ASTN2: variants seen among roughly 807,000 people sequenced by gnomAD.
ASTN2 encodes the protein astrotactin 2.
ASTN2 carries 54 observed loss-of-function variants against 139.8 expected under a neutral mutation model. The observed-to-expected ratio is 0.39, with a 90% CI of 0.31 to 0.48. The LOEUF (loss-of-function observed/expected upper bound fraction) is 0.48. Among genes scored for constraint, ASTN2 ranks in the 20% least tolerant of loss-of-function variants. The pLI is 0.95. For missense variants in ASTN2, 1,565 were observed against 1,725.1 expected (o/e 0.91, Z 1.64); for synonymous variants, 756 against 719.5 (o/e 1.05, Z -0.81).
chr9:117,204,999 A>G (rs1831868170), intron 3 of ASTN2, among the ~76,000 whole-genome samples: 2 of 152,162 alleles, frequency 1.3e-5, no homozygotes, highest in African/African-American at 4.8e-5. Context: ...GGCACTGTCT[A>G]TGTGGGAGGC....
intron 1 of ASTN2, among the ~76,000 whole-genome samples, chr9:117,383,081 G>A (rs988505611): frequency 3.9e-5 from 6 of 152,168 alleles, no homozygotes; most frequent in East Asian, 1.9e-4. Flanking sequence ...ACAAATAAGC[G>A]TGGCTGTGTT....
rs371427957 is a variant in ASTN2 at position 116,815,434 on chromosome 9, C to T, written c.2207+5183G>A. ...CAAGCTTCTATCCCAATTTTACCTC[C>T]TAACTGGCCGTGAGTGCCCCCACCT... is the stretch of plus-strand genomic sequence containing the variant. On this transcript the variant is annotated intron_variant, in intron 12 of 22. Transcript: ENST00000313400. Among the ~76,000 whole-genome samples the T allele has an allele frequency of 6.6e-5, 10 of 152,188 alleles. No individual in the cohort carries two copies. The East Asian group carries it at 9.7e-4, about 15-fold the overall frequency.
intron 13 of ASTN2, among the ~76,000 whole-genome samples, chr9:116,801,891 G>C (rs1354024337): frequency 3.3e-5 from 5 of 151,982 alleles, no homozygotes; most frequent in African/African-American, 1.2e-4. Context: ...TCTGTTCACT[G>C]TACTCCCCTC....
intron 19 of ASTN2, among the ~76,000 whole-genome samples, chr9:116,572,091 A>C (rs575689732): frequency 6.6e-5 from 10 of 152,186 alleles, no homozygotes; most frequent in African/African-American, 1.9e-4. Flanking sequence ...TTGTAGGTAC[A>C]ACTGCATATT....
intron 10 of ASTN2, among the ~76,000 whole-genome samples, chr9:116,955,697 G>A (rs1319404428): frequency 1.3e-5 from 2 of 152,212 alleles, no homozygotes; most frequent in Non-Finnish European, 2.9e-5. Context: ...ATCTGACTGT[G>A]TGGTCGTAGC....
In ASTN2 at chr9:117,214,630, G is replaced by A; in HGVS notation, c.743C>T (p.Ala248Val). The A allele has an allele frequency of 6.3e-7, 1 of 1,583,258 alleles. No homozygotes were observed. The highest frequency in any genetic ancestry group is 8.6e-7 in the Non-Finnish European group (1 of 1,157,546). The change falls in exon 3 of 23, where the codon GCC (alanine) becomes GTC (valine). Residue 248 changes from alanine to valine, a missense_variant. By Grantham distance (64) the Ala-to-Val change is moderately conservative. Coordinates refer to ENST00000313400, the MANE Select transcript of ASTN2 (RefSeq NM_001365068.1). ...TGGGATGTAGTGGATCTCATGAGTG[G>A]CTTCTGTGCTTGCGCTCTTCTGGGG... ...RIPQKSASTEATHEIHYIPSV... is the reference protein window; with the variant it reads ...RIPQKSASTEVTHEIHYIPSV...
chr9:117,259,810 G>C (rs1010800241), intron 2 of ASTN2, among the ~76,000 whole-genome samples: 2 of 152,110 alleles, frequency 1.3e-5, no homozygotes, highest in Admixed American at 1.3e-4. Context: ...AACCCCTGAG[G>C]CTGTGTCACA....
At chr9:116,727,125 T>C (rs1035042923) in intron 15 of ASTN2, among the ~76,000 whole-genome samples, 2 of 151,860 alleles carry the variant, frequency 1.3e-5, no homozygotes, top group Non-Finnish European at 2.9e-5. Context: ...TCACCTCTTC[T>C]CCAAGAAGCC....
Position 117,023,586 on chromosome 9 carries a change from C to A in ASTN2, c.1424-15327G>T, listed in dbSNP as rs926058272. Reference sequence around the variant, plus strand: ...TGCTAATTTGCTTTGGTGTTCGTCTCCTGCTGAGAATGAAAGCATGCTGCA... The same window carrying A: ...TGCTAATTTGCTTTGGTGTTCGTCTACTGCTGAGAATGAAAGCATGCTGCA... On this transcript the variant is annotated intron_variant, in intron 6 of 22. Coordinates refer to ENST00000313400, the MANE Select transcript of ASTN2 (RefSeq NM_001365068.1). 3.9e-5 allele frequency among the ~76,000 whole-genome samples: 6 copies of A among 152,234 alleles called. 1 individual carries two copies.
intron 5 of ASTN2, among the ~76,000 whole-genome samples, chr9:117,083,695 A>G (rs1170082068): frequency 6.6e-6 from 1 of 152,200 alleles, no homozygotes; most frequent in Non-Finnish European, 1.5e-5. Flanking sequence ...TGCTGAGCCT[A>G]GTTGAAAAAC....
chr9:117,027,464 C>T (rs1023827791), intron 6 of ASTN2, among the ~76,000 whole-genome samples: 3 of 152,162 alleles, frequency 2.0e-5, no homozygotes, highest in Admixed American at 2.0e-4. Context: ...CCATGGAGCC[C>T]CAGCCTTGCT....
At chr9:116,613,925 G>A (rs890549338) in intron 19 of ASTN2, among the ~76,000 whole-genome samples, 24 of 152,140 alleles carry the variant, frequency 1.6e-4, no homozygotes, top group Non-Finnish European at 2.9e-4. Context: ...AGGAAAAGAG[G>A]AAGTCAAATT....
intron 2 of ASTN2, among the ~76,000 whole-genome samples, chr9:117,289,892 A>G (rs1392253727): frequency 1.3e-5 from 2 of 152,174 alleles, no homozygotes; most frequent in Non-Finnish European, 2.9e-5. Context: ...TCCAAAATTA[A>G]CATTGCTGTC....
chr9:117,323,667 T>A (rs1828412890), intron 1 of ASTN2, among the ~76,000 whole-genome samples: 1 of 152,164 alleles, frequency 6.6e-6, no homozygotes, highest in African/African-American at 2.4e-5. Context: ...GTATTATAAC[T>A]CAACAATGTT....
At chr9:116,989,845 A>T (rs1418020698) in intron 7 of ASTN2, among the ~76,000 whole-genome samples, 1 of 151,974 alleles carries the variant, frequency 6.6e-6, no homozygotes, top group Non-Finnish European at 1.5e-5. Flanking sequence ...CGGCCTCCCA[A>T]AGTGCTGGGA....
At chr9:117,003,792 C>T (rs1344792285) in intron 7 of ASTN2, among the ~76,000 whole-genome samples, 3 of 151,552 alleles carry the variant, frequency 2.0e-5, no homozygotes, top group Non-Finnish European at 2.9e-5. Flanking sequence ...AAGGGGACCC[C>T]TTCTGTTCCT....
chr9:117,244,919 T>G (rs1345891026), intron 2 of ASTN2, among the ~76,000 whole-genome samples: 1 of 152,166 alleles, frequency 6.6e-6, no homozygotes, highest in African/African-American at 2.4e-5. Context: ...TTTTGTTTAA[T>G]GCACGATTAT....
At chr9:117,119,646 A>G (rs538336186) in intron 4 of ASTN2, among the ~76,000 whole-genome samples, 1 of 152,336 alleles carries the variant, frequency 6.6e-6, no homozygotes, top group Non-Finnish European at 1.5e-5. Flanking sequence ...TCAACAAATT[A>G]TTAAACCTCT....
In ASTN2 at chr9:116,946,565, G is replaced by A. The variant is rs185653570; in HGVS notation, c.1889+28643C>T. ...ATAATGATCACTGAGTGTTAGAGCT[G>A]AGATAAAGAATGAGGACCATAAAAT... On this transcript the variant is annotated intron_variant, in intron 10 of 22. Transcript: ENST00000313400. Among the ~76,000 whole-genome samples, 40 of 152,278 alleles carry A rather than the reference G, an allele frequency of 2.6e-4. 1 individual carries two copies. Among genetic ancestry groups the A allele is most frequent in the Admixed American group, 1.8e-3 (28 of 15,292 alleles).
Sources: gnomAD v4.1 joint callset for allele counts (sites outside exome capture counted in the v4.1 genomes callset) on GRCh38, gnomAD v4.1.1 for gene constraint, MANE v1.5 for transcripts, NCBI Gene and HGNC (gene_info 2026-07-23, HGNC 2026-07-21) for gene names.